CASP10: variants seen among roughly 807,000 people sequenced by gnomAD.
CASP10 encodes the protein caspase-10.
Under a neutral mutation model 48.5 loss-of-function variants are expected in CASP10, and 41 were observed. The observed-to-expected ratio is 0.85, with a 90% CI of 0.66 to 1.10. The LOEUF (loss-of-function observed/expected upper bound fraction) is 1.10, where lower values mean the gene tolerates loss of function less well. Ranked by LOEUF, CASP10 falls within the 50% of genes least tolerant of loss-of-function variation. The pLI is 0.00. For missense variants in CASP10, 614 were observed against 614.5 expected (o/e 1.00, Z 0.01); for synonymous variants, 232 against 238.4 (o/e 0.97, Z 0.25).
Position 201,215,771 on chromosome 2 carries a change from T to C in CASP10, c.1416-1817T>C, listed in dbSNP as rs41355949. ...TGGTTCCATATACATTTTAGGGTTT[T>C]TTTCCCTATTTATGTGAAGAATGTA... On this transcript the variant is annotated intron_variant, in intron 9 of 9. Coordinates refer to ENST00000286186, the MANE Select transcript of CASP10 (RefSeq NM_032977.4). Among the ~76,000 whole-genome samples the C allele has an allele frequency of 7.4e-3, 1,123 of 152,298 alleles. 19 individuals carry two copies. The highest frequency in any genetic ancestry group is 0.026 in the African/African-American group (1,085 of 41,564).
At chr2:201,223,261 C>T (rs542045208), downstream of CASP10, among the ~76,000 whole-genome samples, 43 of 152,272 alleles carry the variant, frequency 2.8e-4, 1 homozygote, top group South Asian at 1.7e-3. Flanking sequence ...CTGTTTGAAG[C>T]TTGCTTCACT....
At position 201,205,942 on chromosome 2, in the gene CASP10, CTA is replaced by C. The variant is rs1451261167; in HGVS notation, c.783_784del (p.Asn262HisfsTer5). ...TCCAGGGGGATGCAAGGAGCATCTG[CTA>C]ACACTCTAAACTCTGAAACCAGCAC... On this transcript the variant is annotated frameshift_variant, in exon 7 of 10. Transcript: ENST00000286186. LOFTEE classifies it high-confidence loss of function. The C allele has an allele frequency of 6.2e-7, 1 of 1,612,812 alleles. No homozygotes were observed. The highest frequency in any genetic ancestry group is 1.3e-5 in the African/African-American group (1 of 74,904).
At chr2:201,227,409 ACT>A (rs1945802293) in intron 9 of CASP10, among the ~76,000 whole-genome samples, 1 of 151,824 alleles carries the variant, frequency 6.6e-6, no homozygotes, top group East Asian at 1.9e-4. Context: ...AGGGGTATTG[ACT>A]CACTTTTTAT....
downstream of CASP10, among the ~76,000 whole-genome samples, chr2:201,222,302 C>T (rs908017663): frequency 2.7e-5 from 4 of 149,456 alleles, no homozygotes; most frequent in Non-Finnish European, 3.0e-5. Flanking sequence ...CTGCAACCTT[C>T]GTCTCCTGGG....
chr2:201,188,547 CT>C (rs1347378963), intron 3 of CASP10, among the ~76,000 whole-genome samples: 1 of 152,182 alleles, frequency 6.6e-6, no homozygotes, highest in East Asian at 1.9e-4. Context: ...CCCCAAATCT[CT>C]TTCTTTTTCT....
exon 10 of CASP10, chr2:201,229,034 C>T (rs1364909943): frequency 6.2e-7 from 1 of 1,614,200 alleles, no homozygotes; most frequent in Admixed American, 1.7e-5. Flanking sequence ...ACGGCCATCT[C>T]TGCGCAGACA....
intron 4 of CASP10, 83 bp from the exon 5 acceptor site, chr2:201,195,759 C>T: frequency 9.4e-7 from 1 of 1,062,280 alleles, no homozygotes; most frequent in South Asian, 1.3e-5. Flanking sequence ...CTCACTGCAA[C>T]CTCCGCCTCC....
chr2:201,187,621 G>A (rs974811886), intron 2 of CASP10, 85 bp from the exon 3 acceptor site: 135 of 985,372 alleles, frequency 1.4e-4, no homozygotes, highest in Middle Eastern at 6.1e-4. Context: ...TCAAATGACA[G>A]AAAACATTTA....
At chr2:201,196,009 C>T (rs931989680) in intron 5 of CASP10, 61 bp downstream of exon 5, 23 of 1,090,410 alleles carry the variant, frequency 2.1e-5, no homozygotes, top group African/African-American at 7.8e-5. Context: ...AACCTCCCCT[C>T]CCTGCCACCC....
chr2:201,194,500 AG>A (rs1944720315), intron 4 of CASP10, among the ~76,000 whole-genome samples: 1 of 152,264 alleles, frequency 6.6e-6, no homozygotes, highest in Non-Finnish European at 1.5e-5. Flanking sequence ...GCATAATTTA[AG>A]TTATGAAGAA....
At chr2:201,226,406 T>C (rs1332755192), downstream of CASP10, among the ~76,000 whole-genome samples, 1 of 152,204 alleles carries the variant, frequency 6.6e-6, no homozygotes, top group Non-Finnish European at 1.5e-5. Flanking sequence ...TTTGCAATAT[T>C]TATAAATGTT....
At position 201,221,336 on chromosome 2, in the gene CASP10, T is replaced by C; in HGVS notation, c.*3595T>C. The stretch of plus-strand genomic sequence containing the variant: ...CCTCTGAGCCCAAGCTAAGCCATCA[T>C]ATCCCTTGTGACCTGCACATATATA... On this transcript the variant is annotated 3_prime_UTR_variant, in exon 10 of 10. Transcript: ENST00000286186. 3.1e-6 allele frequency: 3 copies of C among 967,670 alleles called. No homozygotes were observed. The South Asian group carries it at 1.4e-4, about 46-fold the overall frequency. The allele number at this position is 967,670 out of a possible 1,614,324, so 59.9% of individuals were successfully genotyped here. A position where few individuals can be genotyped will look rare whatever the true frequency, so the allele number is the denominator to read the frequency against.
intron 9 of CASP10, chr2:201,213,368 T>C (rs1275600328): frequency 2.6e-5 from 4 of 152,200 alleles, no homozygotes; most frequent in Admixed American, 6.5e-5. Flanking sequence ...GTATGTTTTC[T>C]CGTGTAAAGG....
chr2:201,201,826 C>T (rs923813838), intron 5 of CASP10, among the ~76,000 whole-genome samples: 4 of 152,010 alleles, frequency 2.6e-5, no homozygotes. Context: ...TTTAAAAGAA[C>T]ACTGCCAATA....
At chr2:201,223,749 C>T (rs375666344), downstream of CASP10, among the ~76,000 whole-genome samples, 147 of 152,248 alleles carry the variant, frequency 9.7e-4, no homozygotes, top group African/African-American at 3.3e-3. Context: ...AATGTAACAA[C>T]ACATTTGTAT....
intron 1 of CASP10, 56 bp from the exon 2 acceptor site, chr2:201,185,715 G>C: frequency 9.0e-7 from 1 of 1,112,988 alleles, no homozygotes; most frequent in Non-Finnish European, 1.4e-6. Context: ...TGGGAAGTCA[G>C]GGGGCCATAT....
At position 201,196,787 on chromosome 2, in the gene CASP10, T is replaced by C. The variant is rs574590291; in HGVS notation, c.684+839T>C. Among the ~76,000 whole-genome samples, 5 of 152,346 alleles carry C rather than the reference T, an allele frequency of 3.3e-5. No individual in the cohort carries two copies. In the East Asian group the frequency reaches 9.6e-4, roughly 29 times the overall value. The stretch of plus-strand genomic sequence containing the variant: ...TACCACCATCCATCTCCAGAACTTT[T>C]TCATCTTCTTTTAGTAAAACTTTGT... On this transcript the variant is annotated intron_variant, in intron 5 of 9. Coordinates refer to ENST00000286186, the MANE Select transcript of CASP10 (RefSeq NM_032977.4).
intron 3 of CASP10, among the ~76,000 whole-genome samples, chr2:201,190,490 T>C (rs1385725294): frequency 2.0e-5 from 3 of 152,216 alleles, no homozygotes; most frequent in Non-Finnish European, 2.9e-5. Flanking sequence ...GGTAGCATTA[T>C]ACCTTAAATA....
intron 7 of CASP10, among the ~76,000 whole-genome samples, chr2:201,206,818 G>A (rs1945223473): frequency 6.6e-6 from 1 of 151,860 alleles, no homozygotes; most frequent in African/African-American, 2.4e-5. Flanking sequence ...CTCCAGAAAT[G>A]AACCATCTGA....
Sources: allele counts gnomAD v4.1 joint callset (sites outside exome capture counted in the v4.1 genomes callset), GRCh38; gene constraint gnomAD v4.1.1; transcripts MANE v1.5; gene names NCBI Gene and HGNC (gene_info 2026-07-23, HGNC 2026-07-21).